Variants in KMT2A observed in about 807,000 individuals in gnomAD.
KMT2A encodes the protein histone-lysine N-methyltransferase 2A.
In KMT2A, 16 loss-of-function variants were observed where a neutral mutation model predicts 345.3. The observed-to-expected ratio is 0.05, with a 90% confidence interval of 0.03 to 0.07. The LOEUF (loss-of-function observed/expected upper bound fraction) is 0.07. Ranked by LOEUF, KMT2A falls within the 10% of genes least tolerant of loss-of-function variation. The probability of loss-of-function intolerance (pLI) is 1.00; values close to 1 mark genes in which losing one functional copy is unlikely to be tolerated. For synonymous variants in KMT2A, 1,599 were observed against 1,778.6 expected, an observed-to-expected ratio of 0.90 and a Z score of 2.54; for missense variants, 3,272 against 4,841.6, an observed-to-expected ratio of 0.68 and a Z score of 9.62.
rs1416939146 is a variant in KMT2A at position 118,524,286 on chromosome 11, G to A, written c.*2114G>A. On this transcript the variant is annotated 3_prime_UTR_variant, in exon 36 of 36. Transcript: ENST00000534358. ...TCAGAGTAGTGTAGTCCAAGTAGAG[G>A]GTGGGGCACCCTTTTCTCGCCGCAA... is the stretch of plus-strand genomic sequence containing the variant. 5.4e-6 allele frequency: 1 copy of A among 186,650 alleles called. No homozygotes were observed. The allele number at this position is 186,650 out of a possible 1,614,324, so 11.6% of individuals were successfully genotyped here. A position where few individuals can be genotyped will look rare whatever the true frequency, so the allele number is the denominator to read the frequency against.
rs1339956546 is a variant in KMT2A at position 118,520,542 on chromosome 11, T to G, written c.11430-260T>G. ...GGCGCGCGCCTGTAGTCCCACCTAC[T>G]CAGCAGGCTGAGGCAAGAGAATCGC... On this transcript the variant is annotated intron_variant, in intron 33 of 35. Transcript: ENST00000534358. The surrounding 1 kb of genome is among the most constrained non-coding windows in gnomAD (Gnocchi z 4.3). The G allele has an allele frequency of 1.7e-5, 8 of 474,204 alleles. No individual in the cohort carries two copies. In the Admixed American group the frequency reaches 2.7e-4, roughly 16 times the overall value. 29.4% of individuals were successfully genotyped at this position (474,204 alleles called of 1,614,324 possible).
At chr11:118,466,537 G>T (rs1274498014) in intron 1 of KMT2A, among the ~76,000 whole-genome samples, 1 of 152,164 alleles carries the variant, frequency 6.6e-6, no homozygotes, top group Non-Finnish European at 1.5e-5. Context: ...AGAACTGGCT[G>T]GGCACAGTGG....
chr11:118,447,308 A>G (rs942567056), intron 1 of KMT2A, among the ~76,000 whole-genome samples: 2 of 152,190 alleles, frequency 1.3e-5, no homozygotes, highest in African/African-American at 2.4e-5. Flanking sequence ...GTTTTTTATA[A>G]TGGTGACTTT....
In KMT2A at chr11:118,520,236, A is replaced by G; in HGVS notation, c.11429+172A>G. ...GTGCCTGGTAAGGAGTGAGGAATAT[A>G]AGGTACAGAGGAGAAATTCAAAGAA... On this transcript the variant is annotated intron_variant, in intron 33 of 35. Coordinates refer to ENST00000534358, the MANE Select transcript of KMT2A (RefSeq NM_001197104.2). This position sits in a 1 kb window ranked among gnomAD's most constrained non-coding sequence, Gnocchi z 4.3. 1.7e-6 allele frequency: 1 copy of G among 598,788 alleles called. No individual in the cohort carries two copies. Among genetic ancestry groups the G allele is most frequent in the Non-Finnish European group, 3.0e-6 (1 of 337,392 alleles). 37.1% of individuals were successfully genotyped at this position (598,788 alleles called of 1,614,324 possible).
rs375503116 is a variant in KMT2A at position 118,443,298 on chromosome 11, G to A, written c.432+6354G>A. Among the ~76,000 whole-genome samples, 23 of 152,306 alleles carry A rather than the reference G, an allele frequency of 1.5e-4. No homozygotes were observed. In the South Asian group the frequency reaches 4.8e-3, roughly 32 times the overall value. The stretch of plus-strand genomic sequence containing the variant: ...ACAGAGACACTTGGACTGAGGGAAT[G>A]ACTTCCCATAAAATGGTTCTTTATG... On this transcript the variant is annotated intron_variant, in intron 1 of 35. Transcript: ENST00000534358.
chr11:118,473,960 A>G lies in KMT2A; in HGVS notation c.2801A>G (p.Lys934Arg), dbSNP rs782723403. Residue 934 changes from lysine (K) to arginine (R), a missense_variant, in exon 3 of 36, where the codon AAG (lysine) becomes AGG (arginine). Physicochemically the swap from Lys to Arg is conservative, Grantham distance 26. Coordinates refer to ENST00000534358, the MANE Select transcript of KMT2A (RefSeq NM_001197104.2). The surrounding 1 kb of genome is among the most constrained non-coding windows in gnomAD (Gnocchi z 5.2). ...SSSAKKATGR[K>R]KSSSHDSGTD... ...TCTGCCAAAAAAGCAACAGGGCGGA[A>G]GAAGTCTTCATCACATGATTCTGGG... 3 of 1,614,046 alleles carry G rather than the reference A, an allele frequency of 1.9e-6. No homozygotes were observed. The highest frequency in any genetic ancestry group is 3.3e-5 in the Admixed American group (2 of 59,998).
At chr11:118,469,976 A>C (rs144908612) in intron 2 of KMT2A, among the ~76,000 whole-genome samples, 44 of 152,332 alleles carry the variant, frequency 2.9e-4, no homozygotes, top group African/African-American at 1.1e-3. Context: ...TTAAAACTTC[A>C]TATAGGAAAG....
intron 10 of KMT2A, among the ~76,000 whole-genome samples, chr11:118,485,265 C>T (rs1217139787): frequency 6.6e-6 from 1 of 151,820 alleles, no homozygotes; most frequent in African/African-American, 2.4e-5. Flanking sequence ...ATACAGTGGT[C>T]TATTAAAAGG....
intron 1 of KMT2A, among the ~76,000 whole-genome samples, chr11:118,450,932 T>G (rs1949523069): frequency 1.3e-5 from 2 of 152,232 alleles, no homozygotes; most frequent in African/African-American, 4.8e-5. Flanking sequence ...CTTTTCTTAC[T>G]GATTGAGCAG....
At position 118,505,527 on chromosome 11, in the gene KMT2A, C is replaced by T. The variant is rs782079693; in HGVS notation, c.9635C>T (p.Thr3212Ile). The T allele has an allele frequency of 1.2e-6, 2 of 1,614,040 alleles. No individual in the cohort carries two copies. The highest frequency in any genetic ancestry group is 1.3e-5 in the African/African-American group (1 of 74,914). ...SESSQRTDLSTTVATPSSGLK... is the reference protein window; with the variant it reads ...SESSQRTDLSITVATPSSGLK... ...TCCAGCCAGAGGACAGACCTCAGTACCACAGTAGCCACTCCATCCTCTGGA... is the reference window on the plus strand; with the variant it reads ...TCCAGCCAGAGGACAGACCTCAGTATCACAGTAGCCACTCCATCCTCTGGA... Residue 3212 changes from threonine to isoleucine, a missense_variant, in exon 27 of 36, where the codon ACC (threonine) becomes ATC (isoleucine). Physicochemically the swap from Thr to Ile is moderately conservative, Grantham distance 89. Transcript: ENST00000534358. This position sits in a 1 kb window ranked among gnomAD's most constrained non-coding sequence, Gnocchi z 4.6.
chr11:118,461,083 T>A (rs1862078759), intron 1 of KMT2A, among the ~76,000 whole-genome samples: 3 of 152,276 alleles, frequency 2.0e-5, no homozygotes. Flanking sequence ...ATTTTTCTAA[T>A]ATACCTTATA....
At position 118,489,779 on chromosome 11, in the gene KMT2A, T is replaced by C; in HGVS notation, c.4480-13T>C. 5 of 1,612,716 alleles carry C rather than the reference T, an allele frequency of 3.1e-6. No homozygotes were observed. Among genetic ancestry groups the C allele is most frequent in the Non-Finnish European group, 3.4e-6 (4 of 1,178,694 alleles). On this transcript the variant is annotated splice_polypyrimidine_tract_variant and intron_variant, in intron 11 of 35. Transcript: ENST00000534358. ...TATGATGCTTATCTTTTTGCCATTA[T>C]ATTTTCTTACAGCAGCTGCTGGAGT...
In KMT2A at chr11:118,476,497, A is replaced by G. The variant is rs1356103717; in HGVS notation, c.3157-308A>G. Among the ~76,000 whole-genome samples, 2 of 152,076 alleles carry G rather than the reference A, an allele frequency of 1.3e-5. No homozygotes were observed. The highest frequency in any genetic ancestry group is 2.9e-5 in the Non-Finnish European group (2 of 68,004). ...AGGTGTGTACCACCACGCCCAGCCA[A>G]TTTTTAAATTTTGTGTAGAGATGGG... On this transcript the variant is annotated intron_variant, in intron 3 of 35. Transcript: ENST00000534358. The surrounding 1 kb of genome is among the most constrained non-coding windows in gnomAD (Gnocchi z 4.1).
intron 31 of KMT2A, among the ~76,000 whole-genome samples, chr11:118,516,225 A>G (rs565695935): frequency 5.3e-5 from 8 of 152,324 alleles, no homozygotes; most frequent in Non-Finnish European, 1.2e-4. Context: ...GGGAAATGAA[A>G]TAGAGAGTGA....
intron 1 of KMT2A, among the ~76,000 whole-genome samples, chr11:118,440,930 A>C (rs1273437183): frequency 6.6e-6 from 1 of 151,956 alleles, no homozygotes; most frequent in African/African-American, 2.4e-5. Flanking sequence ...GAAGCCTCCG[A>C]GTAGAAGTCA....
At chr11:118,517,550 T>A (rs1195950090) in intron 31 of KMT2A, among the ~76,000 whole-genome samples, 1 of 152,158 alleles carries the variant, frequency 6.6e-6, no homozygotes, top group Non-Finnish European at 1.5e-5. Flanking sequence ...ATGTCACTTA[T>A]CAGGGGCCAG....
In KMT2A at chr11:118,436,701, G is replaced by A. The variant is rs782077383; in HGVS notation, c.189G>A (p.Ala63=). ...APPSPPAVAA[A]AAAAGSSGAG... is the part of the protein sequence containing the mutation. Reference sequence around the variant, plus strand: ...CCTCCCCCCCGGCTGTGGCGGCCGCGGCGGCGGCGGCGGGAAGCAGCGGGG... The same window carrying A: ...CCTCCCCCCCGGCTGTGGCGGCCGCAGCGGCGGCGGCGGGAAGCAGCGGGG... The change falls in exon 1 of 36, where the codon GCG becomes GCA. Residue 63 remains alanine, a synonymous_variant. Coordinates refer to ENST00000534358, the MANE Select transcript of KMT2A (RefSeq NM_001197104.2). The surrounding 1 kb of genome is among the most constrained non-coding windows in gnomAD (Gnocchi z 6.9). The A allele has an allele frequency of 8.6e-7, 1 of 1,159,486 alleles. No individual in the cohort carries two copies. Among genetic ancestry groups the A allele is most frequent in the South Asian group, 3.0e-5 (1 of 33,770 alleles). 71.8% of individuals were successfully genotyped at this position (1,159,486 alleles called of 1,614,324 possible). A position where few individuals can be genotyped will look rare whatever the true frequency, so the allele number is the denominator to read the frequency against.
intron 4 of KMT2A, among the ~76,000 whole-genome samples, chr11:118,477,247 C>T (rs781909350): frequency 8.5e-5 from 13 of 152,114 alleles, no homozygotes; most frequent in Non-Finnish European, 1.8e-4. Context: ...CAGAATCTTC[C>T]TAGACTGCTG....
At position 118,481,647 on chromosome 11, in the gene KMT2A, C is replaced by G. The variant is rs146185599; in HGVS notation, c.3635-68C>G. The G allele has an allele frequency of 6.0e-5, 90 of 1,497,270 alleles. No homozygotes were observed. The African/African-American group carries it at 9.0e-4, about 15-fold the overall frequency. The allele number at this position is 1,497,270 out of a possible 1,614,324, so 92.7% of individuals were successfully genotyped here. On this transcript the variant is annotated intron_variant, in intron 6 of 35. Coordinates refer to ENST00000534358, the MANE Select transcript of KMT2A (RefSeq NM_001197104.2). Reference sequence around the variant, plus strand: ...GGGATTGCTGGATCATATGGTGGCTCTGTAATTCTATTTTAAATAAAATTA... The same window carrying G: ...GGGATTGCTGGATCATATGGTGGCTGTGTAATTCTATTTTAAATAAAATTA...
Sources: gnomAD v4.1 joint callset for allele counts (sites outside exome capture counted in the v4.1 genomes callset) on GRCh38, gnomAD v4.1.1 for gene constraint, Gnocchi (gnomAD v3.1) non-coding constraint, MANE v1.5 for transcripts, NCBI Gene and HGNC (gene_info 2026-07-23, HGNC 2026-07-21) for gene names.